SLC1A1: variants seen among roughly 807,000 people sequenced by gnomAD.
SLC1A1 encodes excitatory amino acid transporter 3.
A neutral mutation model predicts 53.3 loss-of-function variants in SLC1A1; 43 were observed. That is an observed-to-expected ratio of 0.81 (90% CI 0.63 to 1.04). The LOEUF (loss-of-function observed/expected upper bound fraction) is 1.04, where lower values mean the gene tolerates loss of function less well. Among genes scored for constraint, SLC1A1 ranks in the 50% least tolerant of loss-of-function variants. SLC1A1 has a pLI of 0.00. For synonymous variants in SLC1A1, 307 were observed against 243.2 expected, an observed-to-expected ratio of 1.26 and a Z score of -2.44; for missense variants, 748 against 664.9, an observed-to-expected ratio of 1.12 and a Z score of -1.37.
At chr9:4,522,544 G>A (rs1365508823) in intron 1 of SLC1A1, among the ~76,000 whole-genome samples, 2 of 152,088 alleles carry the variant, frequency 1.3e-5, no homozygotes, top group Non-Finnish European at 2.9e-5. Flanking sequence ...GATACCATCT[G>A]TATTAGCCTG....
At chr9:4,503,905 C>G (rs1451899232) in intron 1 of SLC1A1, among the ~76,000 whole-genome samples, 1 of 152,140 alleles carries the variant, frequency 6.6e-6, no homozygotes, top group South Asian at 2.1e-4. Context: ...CCCTAGAAGC[C>G]CACTCAGTTG....
chr9:4,583,034 G>A lies in SLC1A1; in HGVS notation c.1194-4G>A. 1 of 1,614,238 alleles carries A rather than the reference G, an allele frequency of 6.2e-7. No homozygotes were observed. The highest frequency in any genetic ancestry group is 8.5e-7 in the Non-Finnish European group (1 of 1,180,038). ...ACTCCTTTCCTGCTGGTATGTTTCTGCAGTATCACGGCCACATCTGCCAGC... is the reference window on the plus strand; with the variant it reads ...ACTCCTTTCCTGCTGGTATGTTTCTACAGTATCACGGCCACATCTGCCAGC... On this transcript the variant is annotated splice_polypyrimidine_tract_variant and splice_region_variant and intron_variant, in intron 10 of 11. Coordinates refer to ENST00000262352, the MANE Select transcript of SLC1A1 (RefSeq NM_004170.6). The surrounding 1 kb of genome is among the most constrained non-coding windows in gnomAD (Gnocchi z 4.6).
intron 1 of SLC1A1, among the ~76,000 whole-genome samples, chr9:4,493,220 C>T (rs1388142829): frequency 6.6e-6 from 1 of 152,214 alleles, no homozygotes; most frequent in Non-Finnish European, 1.5e-5. Flanking sequence ...AAAGGGCAGT[C>T]CTGCTTCTGG....
intron 1 of SLC1A1, among the ~76,000 whole-genome samples, chr9:4,542,475 T>C (rs1586737113): frequency 6.6e-6 from 1 of 152,220 alleles, no homozygotes; most frequent in Non-Finnish European, 1.5e-5. Flanking sequence ...TCATTAGTAA[T>C]ATAAGCCCTG....
intron 1 of SLC1A1, among the ~76,000 whole-genome samples, chr9:4,520,245 A>G (rs1311877175): frequency 1.3e-5 from 2 of 152,202 alleles, no homozygotes; most frequent in Admixed American, 1.3e-4. Flanking sequence ...TGGAAGTTTG[A>G]GCAAAATGTC....
chr9:4,577,944 G>T (rs2129827448), intron 10 of SLC1A1, among the ~76,000 whole-genome samples: 1 of 152,338 alleles, frequency 6.6e-6, no homozygotes, highest in East Asian at 1.9e-4. Flanking sequence ...GCATCAGCTG[G>T]ATTCAGGGTG....
intron 1 of SLC1A1, among the ~76,000 whole-genome samples, chr9:4,494,087 C>G (rs528432680): frequency 4.0e-4 from 61 of 152,262 alleles, no homozygotes; most frequent in African/African-American, 1.4e-3. Flanking sequence ...CAGGAAAATC[C>G]TCTGCTAAAA....
chr9:4,584,875 C>A (rs1454176602), intron 11 of SLC1A1, among the ~76,000 whole-genome samples: 1 of 152,204 alleles, frequency 6.6e-6, no homozygotes, highest in Non-Finnish European at 1.5e-5. Flanking sequence ...CACATACATA[C>A]CCCACATGCA....
Position 4,556,745 on chromosome 9 carries a change from C to T in SLC1A1, c.233-4704C>T, listed in dbSNP as rs1163203776. Among the ~76,000 whole-genome samples the T allele has an allele frequency of 2.0e-5, 3 of 152,134 alleles. No individual in the cohort carries two copies. The highest frequency in any genetic ancestry group is 2.1e-4 in the South Asian group (1 of 4,822). On this transcript the variant is annotated intron_variant, in intron 2 of 11. Transcript: ENST00000262352. The surrounding 1 kb of genome is among the most constrained non-coding windows in gnomAD (Gnocchi z 4.1). ...GTTCTCACCAAGACAATATCGTCCC[C>T]AAGGCAGCAAAAGCTGTTTTTATTT...
intron 1 of SLC1A1, among the ~76,000 whole-genome samples, chr9:4,530,125 T>G (rs1411897956): frequency 2.0e-5 from 3 of 152,110 alleles, no homozygotes; most frequent in African/African-American, 7.2e-5. Flanking sequence ...TTATTTGGGT[T>G]GATAGGAAGG....
rs1817733322 is a variant in SLC1A1 at position 4,549,265 on chromosome 9, C to T, written c.232+4558C>T. 6.6e-6 allele frequency among the ~76,000 whole-genome samples: 1 copy of T among 152,172 alleles called. No homozygotes were observed. The highest frequency in any genetic ancestry group is 2.4e-5 in the African/African-American group (1 of 41,442). ...ACCCCCGCCTGGGCCAGAAGCACTC[C>T]AGTGGGCACAGCTGCGCCTCCTGGT... On this transcript the variant is annotated intron_variant, in intron 2 of 11. Transcript: ENST00000262352. This position sits in a 1 kb window ranked among gnomAD's most constrained non-coding sequence, Gnocchi z 4.1.
intron 1 of SLC1A1, among the ~76,000 whole-genome samples, chr9:4,523,382 C>G (rs7862687): frequency 6.6e-6 from 1 of 151,524 alleles, no homozygotes; most frequent in Non-Finnish European, 1.5e-5. Flanking sequence ...CATTTGTTCT[C>G]GTACCACTAA....
At chr9:4,508,196 A>G (rs1820867834) in intron 1 of SLC1A1, among the ~76,000 whole-genome samples, 1 of 152,244 alleles carries the variant, frequency 6.6e-6, no homozygotes, top group Non-Finnish European at 1.5e-5. Flanking sequence ...CCATGAGATT[A>G]GCAAACAAAT....
chr9:4,544,308 G>A (rs1817272051), intron 1 of SLC1A1, among the ~76,000 whole-genome samples: 1 of 152,152 alleles, frequency 6.6e-6, no homozygotes, highest in African/African-American at 2.4e-5. Context: ...GTCATAATAA[G>A]TGTAATTGAT....
intron 1 of SLC1A1, among the ~76,000 whole-genome samples, chr9:4,536,351 A>AG (rs199883102): frequency 0.15 from 19,968 of 131,596 alleles, 1,504 homozygotes; most frequent in African/African-American, 0.2. Context: ...TCTACAAGAA[A>AG]AAAAAACAGC....
chr9:4,581,708 G>T (rs180738165), intron 10 of SLC1A1, among the ~76,000 whole-genome samples: 1 of 152,210 alleles, frequency 6.6e-6, no homozygotes, highest in Non-Finnish European at 1.5e-5. Flanking sequence ...AAGGGTTATA[G>T]AGGCCAGAAA....
intron 2 of SLC1A1, among the ~76,000 whole-genome samples, chr9:4,560,846 A>C (rs1818865630): frequency 6.6e-6 from 1 of 152,060 alleles, no homozygotes; most frequent in Admixed American, 6.6e-5. Flanking sequence ...CAATACAAAA[A>C]TTAGCTGGGT....
intron 2 of SLC1A1, among the ~76,000 whole-genome samples, chr9:4,552,732 G>A (rs1818037199): frequency 6.6e-6 from 1 of 151,794 alleles, no homozygotes; most frequent in Non-Finnish European, 1.5e-5. Flanking sequence ...GATTAGCTGT[G>A]AAACCTTGGA....
At chr9:4,516,036 A>G (rs1821149895) in intron 1 of SLC1A1, among the ~76,000 whole-genome samples, 1 of 152,232 alleles carries the variant, frequency 6.6e-6, no homozygotes, top group South Asian at 2.1e-4. Context: ...CCAAATAATT[A>G]GTCTTCAGTT....
Sources: gnomAD v4.1 joint callset for allele counts (sites outside exome capture counted in the v4.1 genomes callset) on GRCh38, gnomAD v4.1.1 for gene constraint, Gnocchi (gnomAD v3.1) non-coding constraint, MANE v1.5 for transcripts, NCBI Gene and HGNC (gene_info 2026-07-23, HGNC 2026-07-21) for gene names.